The following LRRFIP1 variants were observed in gnomAD, a reference collection of about 807,000 sequenced individuals.
The protein encoded by LRRFIP1 is leucine-rich repeat flightless-interacting protein 1.
A neutral mutation model predicts 104.4 loss-of-function variants in LRRFIP1; 62 were observed. The ratio of observed to expected loss-of-function variants is 0.59; its 90% confidence interval spans 0.48 to 0.73. The LOEUF is 0.73. Ranked by LOEUF, LRRFIP1 falls within the 30% of genes least tolerant of loss-of-function variation. LRRFIP1 has a pLI of 0.00. For missense variants in LRRFIP1, 796 were observed against 824.5 expected (o/e 0.97, Z 0.42); for synonymous variants, 300 against 299.0 (o/e 1.00, Z -0.03).
Position 237,695,757 on chromosome 2 carries a change from G to GT in LRRFIP1, c.97-12775dup, listed in dbSNP as rs575029627. Among the ~76,000 whole-genome samples the GT allele has an allele frequency of 5.5e-3, 783 of 141,916 alleles. 2 individuals are homozygous for GT. The highest frequency in any genetic ancestry group is 0.018 in the Middle Eastern group (5 of 280). 93.1% of individuals were successfully genotyped at this position (141,916 alleles called of 152,430 possible). A position where few individuals can be genotyped will look rare whatever the true frequency, so the allele number is the denominator to read the frequency against. On this transcript the variant is annotated intron_variant, in intron 1 of 23. Transcript: ENST00000308482. ...TGGAGGCCGCCCAAATTTGTTTTTT[G>GT]TTTTTTTTTTTTAAATAAAGAAGCT...
At chr2:237,674,698 C>T (rs943570669) in intron 1 of LRRFIP1, among the ~76,000 whole-genome samples, 1 of 152,246 alleles carries the variant, frequency 6.6e-6, no homozygotes, top group African/African-American at 2.4e-5. Flanking sequence ...AAAAGGGTAG[C>T]ATTACCTTCC....
chr2:237,779,678 C>G lies in LRRFIP1; in HGVS notation c.*146C>G. 1.6e-6 allele frequency: 1 copy of G among 634,030 alleles called. No homozygotes were observed. The highest frequency in any genetic ancestry group is 2.6e-6 in the Non-Finnish European group (1 of 378,440). 39.3% of individuals were successfully genotyped at this position (634,030 alleles called of 1,614,324 possible). On this transcript the variant is annotated 3_prime_UTR_variant, in exon 24 of 24. Transcript: ENST00000308482. ...AGCTTGGCGCTTAGGGGCTCCCGTG[C>G]CATGGCTCACCCCAGGGAGCCCCAG...
At chr2:237,729,699 C>T (rs2094917845) in intron 8 of LRRFIP1, 1 of 619,068 alleles carries the variant, frequency 1.6e-6, no homozygotes, top group African/African-American at 2.0e-5. Flanking sequence ...TCCATGTTCG[C>T]CTTTTGAATG....
chr2:237,641,841 G>T (rs1415533658), intron 1 of LRRFIP1, among the ~76,000 whole-genome samples: 2 of 152,094 alleles, frequency 1.3e-5, no homozygotes, highest in Non-Finnish European at 2.9e-5. Context: ...TAAATTTTTT[G>T]AGTTATTTCA....
At chr2:237,670,887 G>A (rs560105925) in intron 1 of LRRFIP1, among the ~76,000 whole-genome samples, 4 of 152,310 alleles carry the variant, frequency 2.6e-5, no homozygotes, top group African/African-American at 4.8e-5. Context: ...CATCCTCAGC[G>A]GCAGGGTCTC....
rs1011994584 is a variant in LRRFIP1, at chr2:237,749,112, G to A, written c.670-87G>A. Reference sequence around the variant, plus strand: ...ACCAGGGCCGTCCCTCATCTTGTGGGGATTATGGGGATTACAATTCCAGAT... The same window carrying A: ...ACCAGGGCCGTCCCTCATCTTGTGGAGATTATGGGGATTACAATTCCAGAT... On this transcript the variant is annotated intron_variant, in intron 12 of 23. Coordinates refer to ENST00000308482, the MANE Select transcript of LRRFIP1 (RefSeq NM_001137550.2). The A allele has an allele frequency of 7.8e-6, 11 of 1,416,282 alleles. No individual in the cohort carries two copies. In the Admixed American group the frequency reaches 2.4e-4, roughly 31 times the overall value. 87.7% of individuals were successfully genotyped at this position (1,416,282 alleles called of 1,614,324 possible). A position where few individuals can be genotyped will look rare whatever the true frequency, so the allele number is the denominator to read the frequency against.
chr2:237,727,212 C>A (rs1416612172), intron 7 of LRRFIP1, among the ~76,000 whole-genome samples: 5 of 152,032 alleles, frequency 3.3e-5, no homozygotes, highest in Non-Finnish European at 7.4e-5. Flanking sequence ...AAAAATTAGC[C>A]GGGCGTGGTG....
chr2:237,719,648 A>G, intron 5 of LRRFIP1, 81 bp downstream of exon 5: 1 of 907,468 alleles, frequency 1.1e-6, no homozygotes, highest in Non-Finnish European at 1.8e-6. Flanking sequence ...TATATATAAT[A>G]TATTCAATCT....
rs2061411094 is a variant in LRRFIP1 at position 237,780,586 on chromosome 2, A to C, written c.*1054A>C. Among the ~76,000 whole-genome samples the C allele has an allele frequency of 6.6e-6, 1 of 152,206 alleles. No homozygotes were observed. Among genetic ancestry groups the C allele is most frequent in the Non-Finnish European group, 1.5e-5 (1 of 68,040 alleles). The stretch of plus-strand genomic sequence containing the variant: ...GCTGATTTTTAGTGACTGTTCATAT[A>C]TGTTGTATTTCAAGTATGGCTGGTG... On this transcript the variant is annotated 3_prime_UTR_variant, in exon 24 of 24. Coordinates refer to ENST00000308482, the MANE Select transcript of LRRFIP1 (RefSeq NM_001137550.2).
rs147737354 is a variant in LRRFIP1 at position 237,755,519 on chromosome 2, G to A, written c.1039-576G>A. The stretch of plus-strand genomic sequence containing the variant: ...CTGGGGGGGCCCTTCGTCGGCTCTT[G>A]CTTCACTGTAGATAAGAAATCAGAA... On this transcript the variant is annotated intron_variant, in intron 15 of 23. Transcript: ENST00000308482. 4.6e-3 allele frequency among the ~76,000 whole-genome samples: 699 copies of A among 152,346 alleles called. 4 individuals are homozygous for A. Among genetic ancestry groups the A allele is most frequent in the Non-Finnish European group, 6.1e-3 (412 of 68,042 alleles).
At chr2:237,631,346 G>A (rs11684918) in intron 1 of LRRFIP1, among the ~76,000 whole-genome samples, 63,361 of 151,814 alleles carry the variant, frequency 0.42, 13,486 homozygotes, top group Non-Finnish European at 0.45. Flanking sequence ...GTAGAAGCAG[G>A]ACTCGTGGTG....
chr2:237,760,084 T>C lies in LRRFIP1; in HGVS notation c.1338T>C (p.Asn446=). The change falls in exon 19 of 24, where the codon AAT becomes AAC. Residue 446 remains asparagine (N), a synonymous_variant. Coordinates refer to ENST00000308482, the MANE Select transcript of LRRFIP1 (RefSeq NM_001137550.2). ...EELKKHGIIL[N]SEIATNGETS... ...CCCAGAAACATGGAATAATCCTAAA[T>C]TCAGAAATAGCTACCAATGGAGAGA... The C allele has an allele frequency of 6.2e-7, 1 of 1,613,774 alleles. No homozygotes were observed. Among genetic ancestry groups the C allele is most frequent in the African/African-American group, 1.3e-5 (1 of 75,024 alleles).
At chr2:237,726,266 ATTTGT>A (rs2094743713) in intron 7 of LRRFIP1, among the ~76,000 whole-genome samples, 1 of 152,290 alleles carries the variant, frequency 6.6e-6, no homozygotes, top group Middle Eastern at 3.4e-3. Context: ...TGATTTCTTG[ATTTGT>A]TTTGAGTTAC....
At chr2:237,729,280 G>A (rs1298737977) in intron 8 of LRRFIP1, among the ~76,000 whole-genome samples, 1 of 152,224 alleles carries the variant, frequency 6.6e-6, no homozygotes, top group Non-Finnish European at 1.5e-5. Context: ...GGCCTTCAGG[G>A]CATTTGCACT....
At chr2:237,719,707 A>T in intron 5 of LRRFIP1, 140 bp downstream of exon 5, 3 of 563,150 alleles carry the variant, frequency 5.3e-6, no homozygotes, top group Non-Finnish European at 9.2e-6. Context: ...ACTATTAATG[A>T]TAGAATACTG....
intron 17 of LRRFIP1, among the ~76,000 whole-genome samples, chr2:237,758,158 C>G (rs576675835): frequency 6.9e-6 from 1 of 145,452 alleles, no homozygotes; most frequent in African/African-American, 2.6e-5. Context: ...GATACCTGCA[C>G]AAACCATCGG....
At chr2:237,752,342 G>A (rs556787424) in intron 14 of LRRFIP1, among the ~76,000 whole-genome samples, 3 of 152,332 alleles carry the variant, frequency 2.0e-5, no homozygotes, top group African/African-American at 7.2e-5. Context: ...GCAGGTGGAG[G>A]CTGCAGTGAG....
intron 2 of LRRFIP1, among the ~76,000 whole-genome samples, chr2:237,712,824 C>G (rs1024713286): frequency 6.6e-6 from 1 of 152,212 alleles, no homozygotes; most frequent in Non-Finnish European, 1.5e-5. Flanking sequence ...TATCACATCT[C>G]TGGGCCTGGC....
intron 4 of LRRFIP1, among the ~76,000 whole-genome samples, chr2:237,718,037 T>G (rs2094406422): frequency 6.6e-6 from 1 of 152,238 alleles, no homozygotes; most frequent in Non-Finnish European, 1.5e-5. Flanking sequence ...CTTGCCTGTT[T>G]GGTAGCCACT....
Sources: gnomAD v4.1 joint callset for allele counts (sites outside exome capture counted in the v4.1 genomes callset) on GRCh38, gnomAD v4.1.1 for gene constraint, MANE v1.5 for transcripts, NCBI Gene and HGNC (gene_info 2026-07-23, HGNC 2026-07-21) for gene names.